BICDL1: variants seen among roughly 807,000 people sequenced by gnomAD.
The protein encoded by BICDL1 is BICD family like cargo adaptor 1, also known as BICD family-like cargo adapter 1.
A neutral mutation model predicts 76.8 loss-of-function variants in BICDL1; 20 were observed. The observed-to-expected ratio is 0.26, with a 90% confidence interval of 0.18 to 0.38. The LOEUF is 0.38. Among genes scored for constraint, BICDL1 ranks in the 10% least tolerant of loss-of-function variants. The probability of loss-of-function intolerance (pLI) is 1.00; values close to 1 mark genes in which losing one functional copy is unlikely to be tolerated. For missense variants in BICDL1, 700 were observed against 798.6 expected, an observed-to-expected ratio of 0.88 and a Z score of 1.49; for synonymous variants, 383 against 337.1, an observed-to-expected ratio of 1.14 and a Z score of -1.49.
In BICDL1 at chr12:120,093,316, T is replaced by TG; in HGVS notation, c.*159dup. On this transcript the variant is annotated 3_prime_UTR_variant, in exon 10 of 10. Coordinates refer to ENST00000548673, the MANE Select transcript of BICDL1 (RefSeq NM_001367886.1). ...GGGAGGGCCTGCTCCCTTTCGTCGG[T>TG]GGGGATGGAGACCTAGAGGTGGGGG... 1 of 863,586 alleles carries TG rather than the reference T, an allele frequency of 1.2e-6. No homozygotes were observed. The highest frequency in any genetic ancestry group is 1.7e-6 in the Non-Finnish European group (1 of 572,742). The allele number at this position is 863,586 out of a possible 1,614,324, so 53.5% of individuals were successfully genotyped here. A position where few individuals can be genotyped will look rare whatever the true frequency, so the allele number is the denominator to read the frequency against.
At chr12:120,090,639 T>C (rs939895593) in intron 9 of BICDL1, 7 of 355,988 alleles carry the variant, frequency 2.0e-5, no homozygotes, top group South Asian at 1.5e-4. Flanking sequence ...GAGGTTGAGG[T>C]AGCACAGTTT....
intron 1 of BICDL1, among the ~76,000 whole-genome samples, chr12:119,991,675 T>A (rs1349889318): frequency 6.6e-6 from 1 of 152,110 alleles, no homozygotes; most frequent in Non-Finnish European, 1.5e-5. Context: ...ACTACAGAGA[T>A]TTATACTTGT....
intron 2 of BICDL1, among the ~76,000 whole-genome samples, chr12:120,039,829 G>A (rs540979849): frequency 1.3e-5 from 2 of 151,948 alleles, no homozygotes; most frequent in South Asian, 2.1e-4. Flanking sequence ...TTAGCCCCAC[G>A]TACCGTATTA....
At position 120,093,062 on chromosome 12, in the gene BICDL1, G is replaced by A; in HGVS notation, c.1767G>A (p.Gln589=). 2 of 1,602,428 alleles carry A rather than the reference G, an allele frequency of 1.2e-6. No individual in the cohort carries two copies. The highest frequency in any genetic ancestry group is 1.7e-6 in the Non-Finnish European group (2 of 1,173,592). ...LMDTHLKERS[Q]PAAALCRGHS... is the part of the protein sequence containing the mutation. ...ACACGCACCTGAAAGAACGGAGCCA[G>A]CCGGCTGCTGCCCTCTGCAGGGGCC... is the stretch of plus-strand genomic sequence containing the variant. The change falls in exon 10 of 10, where the codon CAG becomes CAA. Residue 589 remains glutamine, a synonymous_variant. Transcript: ENST00000548673.
intron 1 of BICDL1, among the ~76,000 whole-genome samples, chr12:119,998,115 C>T (rs898367329): frequency 2.6e-5 from 4 of 151,994 alleles, no homozygotes; most frequent in Non-Finnish European, 4.4e-5. Context: ...CCACTGCACT[C>T]CAGCCTGGGC....
intron 7 of BICDL1, among the ~76,000 whole-genome samples, chr12:120,075,702 C>T (rs1290724759): frequency 6.6e-6 from 1 of 152,192 alleles, no homozygotes; most frequent in Non-Finnish European, 1.5e-5. Context: ...GTATTTCCTA[C>T]ATTTGAAATA....
chr12:120,009,295 C>G (rs1278087110), intron 2 of BICDL1, among the ~76,000 whole-genome samples: 1 of 152,166 alleles, frequency 6.6e-6, no homozygotes, highest in East Asian at 1.9e-4. Context: ...TGAGCCTGTT[C>G]TTAATTATTT....
chr12:119,992,815 A>G (rs1258592191), intron 1 of BICDL1: 1 of 152,232 alleles, frequency 6.6e-6, no homozygotes, highest in Non-Finnish European at 1.5e-5. Context: ...TTGGAGTCAA[A>G]CACATTTTCT....
At chr12:120,011,580 T>C (rs181929518) in intron 2 of BICDL1, among the ~76,000 whole-genome samples, 12 of 152,206 alleles carry the variant, frequency 7.9e-5, no homozygotes, top group Admixed American at 5.2e-4. Context: ...AATCACAGAG[T>C]TGGGTAAATT....
chr12:119,991,950 C>T (rs777638094), intron 1 of BICDL1, among the ~76,000 whole-genome samples: 2 of 152,190 alleles, frequency 1.3e-5, no homozygotes, highest in African/African-American at 2.4e-5. Flanking sequence ...GTTTAAAACT[C>T]TTTAAACTAT....
At chr12:120,092,611 C>G in intron 9 of BICDL1, 1 of 985,426 alleles carries the variant, frequency 1.0e-6, no homozygotes, top group Non-Finnish European at 1.2e-6. Context: ...CTGGGGGTGG[C>G]AAGCCAAACC....
chr12:119,998,896 G>T, intron 2 of BICDL1, among the ~76,000 whole-genome samples, 160 bp downstream of exon 2: 1 of 151,848 alleles, frequency 6.6e-6, no homozygotes, highest in South Asian at 2.1e-4. Context: ...CTCTACAAAA[G>T]TTTTTTAAAA....
intron 2 of BICDL1, among the ~76,000 whole-genome samples, chr12:120,021,314 C>T (rs1159155815): frequency 8.2e-5 from 12 of 146,262 alleles, no homozygotes; most frequent in African/African-American, 2.3e-4. Flanking sequence ...AGGCAGGGCA[C>T]GGTGGCTAAC....
intron 1 of BICDL1, among the ~76,000 whole-genome samples, chr12:119,991,143 C>CA (rs918055094): frequency 2.0e-5 from 3 of 150,372 alleles, no homozygotes; most frequent in African/African-American, 2.4e-5. Context: ...AATTAGATTG[C>CA]AAAAAAAAGG....
chr12:120,089,051 CACT>C lies in BICDL1; in HGVS notation c.1584-899_1584-897del, dbSNP rs150093051. Among the ~76,000 whole-genome samples, 1,828 of 152,344 alleles carry C rather than the reference CACT, an allele frequency of 0.012. 87 individuals are homozygous for C. In the East Asian group the frequency reaches 0.14, roughly 12 times the overall value. On this transcript the variant is annotated intron_variant, in intron 8 of 9. Coordinates refer to ENST00000548673, the MANE Select transcript of BICDL1 (RefSeq NM_001367886.1). Reference sequence around the variant, plus strand: ...TGACTAGCTAAGCTATAGTGATCACCACTGTGTGGCTATCTTCGCACACCTCTG... The same window carrying C: ...TGACTAGCTAAGCTATAGTGATCACCGTGTGGCTATCTTCGCACACCTCTG...
chr12:120,068,597 C>T (rs1872833932), intron 4 of BICDL1, among the ~76,000 whole-genome samples: 1 of 152,366 alleles, frequency 6.6e-6, no homozygotes, highest in Admixed American at 6.5e-5. Context: ...GGGCAGATAA[C>T]TTGAGGTCAG....
chr12:119,989,549 C>G lies in BICDL1; in HGVS notation c.-320C>G, dbSNP rs968832680. ...CCTCGCTTCCTCCCCTCCCGCTTCG[C>G]CGACCCTCAGTCTCTGTTCCTGAGT... On this transcript the variant is annotated 5_prime_UTR_variant, in exon 1 of 10. Transcript: ENST00000548673. Among the ~76,000 whole-genome samples the G allele has an allele frequency of 6.6e-6, 1 of 150,490 alleles. No individual in the cohort carries two copies. Among genetic ancestry groups the G allele is most frequent in the Non-Finnish European group, 1.5e-5 (1 of 67,422 alleles).
At position 120,093,272 on chromosome 12, in the gene BICDL1, G is replaced by A; in HGVS notation, c.*111G>A. Reference sequence around the variant, plus strand: ...CCTCAGCAGCTGCCCTGCCCCTCATGCTAGGGCCCCATGGGTCCGGGAGGG... The same window carrying A: ...CCTCAGCAGCTGCCCTGCCCCTCATACTAGGGCCCCATGGGTCCGGGAGGG... On this transcript the variant is annotated 3_prime_UTR_variant, in exon 10 of 10. Transcript: ENST00000548673. The A allele has an allele frequency of 8.5e-6, 11 of 1,295,614 alleles. No individual in the cohort carries two copies. In the South Asian group the frequency reaches 1.3e-4, roughly 16 times the overall value. The allele number at this position is 1,295,614 out of a possible 1,614,324, so 80.3% of individuals were successfully genotyped here.
chr12:120,074,447 C>G lies in BICDL1; in HGVS notation c.1313C>G (p.Ser438Cys), dbSNP rs1873375558. The G allele has an allele frequency of 8.2e-7, 1 of 1,215,122 alleles. No individual in the cohort carries two copies. The highest frequency in any genetic ancestry group is 1.1e-6 in the Non-Finnish European group (1 of 952,074). 75.3% of individuals were successfully genotyped at this position (1,215,122 alleles called of 1,614,324 possible). A position where few individuals can be genotyped will look rare whatever the true frequency, so the allele number is the denominator to read the frequency against. The change falls in exon 7 of 10, where the codon TCC (serine) becomes TGC (cysteine). Residue 438 changes from serine (S) to cysteine (C), a missense_variant. Transcript: ENST00000548673. ...SIVDGMEPTG[S>C]RRLDDDSLEE... ...CTGTCTTTCTTTTACTGTCAGGGCT[C>G]CCGGAGACTTGATGATGACTCCTTA...
Sources: gnomAD v4.1 joint callset for allele counts (sites outside exome capture counted in the v4.1 genomes callset) on GRCh38, gnomAD v4.1.1 for gene constraint, MANE v1.5 for transcripts, NCBI Gene and HGNC (gene_info 2026-07-23, HGNC 2026-07-21) for gene names.